Variants in SEC14L1 observed in about 807,000 individuals in gnomAD.
SEC14L1 encodes the protein SEC14 like lipid binding 1.
A neutral mutation model predicts 85.3 loss-of-function variants in SEC14L1; 48 were observed. The ratio of observed to expected loss-of-function variants is 0.56; its 90% CI spans 0.45 to 0.72. The LOEUF (loss-of-function observed/expected upper bound fraction) is 0.72. SEC14L1 is among the 30% of genes least tolerant of loss of function. The pLI, the probability that SEC14L1 is intolerant of heterozygous loss-of-function variation, is 0.00. For missense variants in SEC14L1, 682 were observed against 921.4 expected (o/e 0.74, Z 3.36); for synonymous variants, 391 against 355.5 (o/e 1.10, Z -1.12).
At chr17:77,172,113 C>T (rs905490874) in intron 3 of SEC14L1, among the ~76,000 whole-genome samples, 1 of 152,088 alleles carries the variant, frequency 6.6e-6, no homozygotes. Context: ...AAAGTTTTTC[C>T]TGTGAACAAG....
At chr17:77,156,715 T>C (rs1973833939) in intron 3 of SEC14L1, among the ~76,000 whole-genome samples, 1 of 152,192 alleles carries the variant, frequency 6.6e-6, no homozygotes, top group Admixed American at 6.5e-5. Context: ...AATGAAAATT[T>C]TGACAAAAGG....
At chr17:77,121,232 C>A (rs1972287389) in intron 3 of SEC14L1, among the ~76,000 whole-genome samples, 1 of 152,114 alleles carries the variant, frequency 6.6e-6, no homozygotes, top group African/African-American at 2.4e-5. Flanking sequence ...CTGGCTACTG[C>A]CGACAAAGCA....
chr17:77,206,714 TCTC>T lies in SEC14L1; in HGVS notation c.1342-7_1342-5del, dbSNP rs749027006. 2 of 1,588,720 alleles carry T rather than the reference TCTC, an allele frequency of 1.3e-6. No homozygotes were observed. Among genetic ancestry groups the T allele is most frequent in the Admixed American group, 1.9e-5 (1 of 53,762 alleles). On this transcript the variant is annotated splice_polypyrimidine_tract_variant and intron_variant, in intron 12 of 16. Coordinates refer to ENST00000436233, the MANE Select transcript of SEC14L1 (RefSeq NM_001143998.2). The surrounding 1 kb of genome is among the most constrained non-coding windows in gnomAD (Gnocchi z 4.3). Reference sequence around the variant, plus strand: ...GCAGAGAAATATGACTGCATGGTCTTCTCCTCCTCACAGGTTAGTCCGTTCATT... The same window carrying T: ...GCAGAGAAATATGACTGCATGGTCTTCTCCTCACAGGTTAGTCCGTTCATT...
chr17:77,120,311 A>T (rs552349710), intron 3 of SEC14L1, among the ~76,000 whole-genome samples: 9 of 152,170 alleles, frequency 5.9e-5, no homozygotes, highest in Admixed American at 1.3e-4. Flanking sequence ...CCACTCACGT[A>T]GGAGCTCAGC....
intron 8 of SEC14L1, among the ~76,000 whole-genome samples, chr17:77,198,513 A>G (rs556226015): frequency 6.0e-4 from 91 of 152,308 alleles, no homozygotes; most frequent in Middle Eastern, 6.8e-3. Flanking sequence ...TAGTTAAATC[A>G]GGATTGCCCA....
chr17:77,175,249 T>G (rs1384381987), intron 3 of SEC14L1, among the ~76,000 whole-genome samples: 1 of 152,082 alleles, frequency 6.6e-6, no homozygotes, highest in South Asian at 2.1e-4. Flanking sequence ...GAGAGAGAGA[T>G]CTCGGGTTAA....
chr17:77,107,309 T>C (rs1200509201), intron 3 of SEC14L1, among the ~76,000 whole-genome samples: 1 of 152,150 alleles, frequency 6.6e-6, no homozygotes, highest in Non-Finnish European at 1.5e-5. Context: ...CTGGCATCCT[T>C]ATCTCCACTT....
intron 9 of SEC14L1, among the ~76,000 whole-genome samples, chr17:77,201,444 A>C (rs1210072215): frequency 6.6e-6 from 1 of 150,602 alleles, no homozygotes; most frequent in East Asian, 2.0e-4. Flanking sequence ...AGACATTGAC[A>C]AATGTGTCTT....
rs145567182 is a variant in SEC14L1 at position 77,178,662 on chromosome 17, G to A, written c.64-12141G>A. On this transcript the variant is annotated intron_variant, in intron 3 of 16. Transcript: ENST00000436233. The stretch of plus-strand genomic sequence containing the variant: ...ATCATCAGGCATTGGATTCTCTTAC[G>A]GAGCATGCAGCTTACAGAGCGTGCA... Among the ~76,000 whole-genome samples the A allele has an allele frequency of 2.4e-3, 364 of 152,290 alleles. 2 individuals are homozygous for A. Among genetic ancestry groups the A allele is most frequent in the Admixed American group, 4.8e-3 (73 of 15,294 alleles).
intron 3 of SEC14L1, among the ~76,000 whole-genome samples, chr17:77,129,355 TCAATCAGACCC>T: frequency 6.6e-6 from 1 of 152,232 alleles, no homozygotes; most frequent in East Asian, 1.9e-4. Context: ...CTGAGGTGGC[TCAATCAGACCC>T]ACAGGTCCTG....
At chr17:77,109,985 C>T (rs1972012204) in intron 3 of SEC14L1, among the ~76,000 whole-genome samples, 1 of 152,186 alleles carries the variant, frequency 6.6e-6, no homozygotes, top group Non-Finnish European at 1.5e-5. Context: ...CTCCCCCATG[C>T]TTTTTAATTC....
At chr17:77,121,641 G>C (rs1972300452) in intron 3 of SEC14L1, among the ~76,000 whole-genome samples, 3 of 152,152 alleles carry the variant, frequency 2.0e-5, no homozygotes, top group African/African-American at 7.2e-5. Context: ...ACAGGCGTGA[G>C]CCACCGCACC....
At chr17:77,131,701 G>C (rs879407009) in intron 3 of SEC14L1, among the ~76,000 whole-genome samples, 4 of 152,294 alleles carry the variant, frequency 2.6e-5, no homozygotes, top group Admixed American at 2.0e-4. Flanking sequence ...AAATCATTCT[G>C]GACAAATGAA....
At chr17:77,165,629 G>A (rs906691296) in intron 3 of SEC14L1, among the ~76,000 whole-genome samples, 1 of 152,200 alleles carries the variant, frequency 6.6e-6, no homozygotes, top group East Asian at 1.9e-4. Flanking sequence ...TATGATAAGG[G>A]GAGTGTTTTA....
At chr17:77,116,022 G>A (rs1972165093) in intron 3 of SEC14L1, among the ~76,000 whole-genome samples, 1 of 151,618 alleles carries the variant, frequency 6.6e-6, no homozygotes, top group Non-Finnish European at 1.5e-5. Flanking sequence ...GGGCTCAGGC[G>A]ATCCTCCTGC....
chr17:77,189,988 TTTTCTCCTGTGGA>T (rs1388687096), intron 3 of SEC14L1, among the ~76,000 whole-genome samples: 1 of 152,232 alleles, frequency 6.6e-6, no homozygotes, highest in Non-Finnish European at 1.5e-5. Flanking sequence ...TTTATATATT[TTTTCTCCTGTGGA>T]TTGTGATTTT....
intron 3 of SEC14L1, among the ~76,000 whole-genome samples, chr17:77,107,617 C>T (rs1445017567): frequency 6.6e-6 from 1 of 151,874 alleles, no homozygotes; most frequent in Non-Finnish European, 1.5e-5. Context: ...CAGAAGATCC[C>T]CACCCACAAC....
At chr17:77,105,237 G>A (rs1258610069) in intron 3 of SEC14L1, among the ~76,000 whole-genome samples, 3 of 151,902 alleles carry the variant, frequency 2.0e-5, no homozygotes, top group South Asian at 2.1e-4. Context: ...TTCCTTTCAC[G>A]CCTTCAACTG....
intron 3 of SEC14L1, among the ~76,000 whole-genome samples, chr17:77,168,694 A>G (rs1370334146): frequency 6.6e-6 from 1 of 152,194 alleles, no homozygotes; most frequent in Non-Finnish European, 1.5e-5. Context: ...TGGTCTTGAC[A>G]CAGACTTTGC....
Sources: allele counts gnomAD v4.1 joint callset (sites outside exome capture counted in the v4.1 genomes callset), GRCh38; gene constraint gnomAD v4.1.1; non-coding constraint Gnocchi (gnomAD v3.1); transcripts MANE v1.5; gene names NCBI Gene and HGNC (gene_info 2026-07-23, HGNC 2026-07-21).